Variants in ZNF804B observed in about 807,000 individuals in gnomAD.
ZNF804B encodes zinc finger protein 804B.
Under a neutral mutation model 101.4 loss-of-function variants are expected in ZNF804B, and 80 were observed. The observed-to-expected ratio is 0.79, with a 90% CI of 0.66 to 0.95. The LOEUF is 0.95. Among genes scored for constraint, ZNF804B ranks in the 40% least tolerant of loss-of-function variants. The probability of loss-of-function intolerance (pLI) is 0.00; values close to 1 mark genes in which losing one functional copy is unlikely to be tolerated. For missense variants in ZNF804B, 1,673 were observed against 1,561.9 expected (o/e 1.07, Z -1.20); for synonymous variants, 622 against 558.8 (o/e 1.11, Z -1.59).
chr7:89,022,402 A>G (rs1788680813), intron 1 of ZNF804B, among the ~76,000 whole-genome samples: 1 of 152,146 alleles, frequency 6.6e-6, no homozygotes, highest in South Asian at 2.1e-4. Context: ...AAACAATTGG[A>G]CCTTGATGAA....
chr7:88,933,469 C>T (rs1375990942), intron 1 of ZNF804B, among the ~76,000 whole-genome samples: 1 of 151,886 alleles, frequency 6.6e-6, no homozygotes, highest in African/African-American at 2.4e-5. Flanking sequence ...AAACAAAGGG[C>T]ATCCAAATTT....
intron 2 of ZNF804B, among the ~76,000 whole-genome samples, chr7:89,298,236 A>G (rs1790418762): frequency 1.9e-5 from 2 of 106,858 alleles, no homozygotes; most frequent in Non-Finnish European, 3.6e-5. Context: ...ATATATATAT[A>G]TATATATATA....
chr7:88,993,376 T>A (rs1303015950), intron 1 of ZNF804B, among the ~76,000 whole-genome samples: 2 of 151,996 alleles, frequency 1.3e-5, no homozygotes, highest in East Asian at 3.9e-4. Flanking sequence ...AGCAGAATAA[T>A]GTTTTGCAAA....
intron 1 of ZNF804B, among the ~76,000 whole-genome samples, chr7:89,084,519 G>C (rs887784692): frequency 6.6e-5 from 10 of 151,980 alleles, no homozygotes; most frequent in African/African-American, 2.4e-4. Context: ...AGTGTTTACA[G>C]TGGTAAGCAT....
At position 89,075,712 on chromosome 7, in the gene ZNF804B, G is replaced by A. The variant is rs936590142; in HGVS notation, c.109-142443G>A. Among the ~76,000 whole-genome samples, 63 of 152,128 alleles carry A rather than the reference G, an allele frequency of 4.1e-4. 1 individual carries two copies. The highest frequency in any genetic ancestry group is 4.4e-5 in the Non-Finnish European group (3 of 68,030). ...GAAGGCCACAATCCTCCAGACCCCA[G>A]AATGGTAGATAACACTGACAGTTTG... On this transcript the variant is annotated intron_variant, in intron 1 of 3. Transcript: ENST00000333190.
chr7:89,174,355 T>C (rs934041941), intron 1 of ZNF804B, among the ~76,000 whole-genome samples: 1 of 152,078 alleles, frequency 6.6e-6, no homozygotes, highest in African/African-American at 2.4e-5. Context: ...AAAATTTGTT[T>C]TTGTGTGCCT....
At chr7:88,825,061 A>T (rs1791033721) in intron 1 of ZNF804B, among the ~76,000 whole-genome samples, 1 of 152,146 alleles carries the variant, frequency 6.6e-6, no homozygotes, top group Non-Finnish European at 1.5e-5. Flanking sequence ...TGGTACATTT[A>T]TGTCCTCATC....
intron 2 of ZNF804B, among the ~76,000 whole-genome samples, chr7:89,316,182 A>T (rs1319200521): frequency 6.6e-6 from 1 of 152,114 alleles, no homozygotes; most frequent in Non-Finnish European, 1.5e-5. Context: ...TAGCAAGATT[A>T]ATATGTTGAA....
intron 1 of ZNF804B, among the ~76,000 whole-genome samples, chr7:88,984,361 G>A (rs1033791527): frequency 6.6e-6 from 1 of 152,042 alleles, no homozygotes; most frequent in Non-Finnish European, 1.5e-5. Flanking sequence ...GTGTAATCAA[G>A]TAATTGTGTT....
chr7:88,892,705 T>G (rs1288409277), intron 1 of ZNF804B, among the ~76,000 whole-genome samples: 1 of 152,138 alleles, frequency 6.6e-6, no homozygotes, highest in Non-Finnish European at 1.5e-5. Flanking sequence ...CTCATCTCCC[T>G]CCAAAATGTT....
At chr7:89,226,033 T>C (rs1584068268) in intron 2 of ZNF804B, among the ~76,000 whole-genome samples, 1 of 152,116 alleles carries the variant, frequency 6.6e-6, no homozygotes, top group Non-Finnish European at 1.5e-5. Flanking sequence ...GATTACAAAA[T>C]GTGAACACAT....
intron 1 of ZNF804B, among the ~76,000 whole-genome samples, chr7:89,011,373 C>T (rs1344349718): frequency 6.6e-6 from 1 of 152,184 alleles, no homozygotes. Flanking sequence ...CATGTCCTCA[C>T]ATTTCAAAAC....
chr7:89,165,313 T>A (rs150677824), intron 1 of ZNF804B, among the ~76,000 whole-genome samples: 1,756 of 152,164 alleles, frequency 0.012, 35 homozygotes, highest in African/African-American at 0.04. Flanking sequence ...TGGTGATATG[T>A]CTGGGGTTTA....
intron 2 of ZNF804B, among the ~76,000 whole-genome samples, chr7:89,241,366 T>C (rs753961917): frequency 2.0e-5 from 3 of 152,090 alleles, no homozygotes; most frequent in Non-Finnish European, 2.9e-5. Context: ...TTTTTCCTTC[T>C]CTGAACCACT....
intron 1 of ZNF804B, among the ~76,000 whole-genome samples, chr7:88,901,476 A>G (rs746825325): frequency 6.6e-6 from 1 of 151,894 alleles, no homozygotes; most frequent in Non-Finnish European, 1.5e-5. Context: ...TGCAAATTAG[A>G]AATAGTAAAA....
At chr7:89,254,002 A>G (rs945862892) in intron 2 of ZNF804B, among the ~76,000 whole-genome samples, 1 of 152,176 alleles carries the variant, frequency 6.6e-6, no homozygotes, top group African/African-American at 2.4e-5. Flanking sequence ...CTAGCATAGT[A>G]AATGATTTCT....
chr7:88,920,805 A>G (rs904913341), intron 1 of ZNF804B, among the ~76,000 whole-genome samples: 5 of 152,128 alleles, frequency 3.3e-5, no homozygotes, highest in African/African-American at 1.2e-4. Context: ...CAGCATTTCA[A>G]TGCAAATATG....
At chr7:88,872,629 C>T (rs1791848765) in intron 1 of ZNF804B, among the ~76,000 whole-genome samples, 1 of 151,866 alleles carries the variant, frequency 6.6e-6, no homozygotes, top group Non-Finnish European at 1.5e-5. Flanking sequence ...CTGCCCCCAC[C>T]CCACAACAGT....
chr7:89,296,234 T>C (rs1475965493), intron 2 of ZNF804B, among the ~76,000 whole-genome samples: 1 of 152,016 alleles, frequency 6.6e-6, no homozygotes, highest in Admixed American at 6.6e-5. Flanking sequence ...AATAAATCAG[T>C]TAATATTGCA....
Sources: allele counts gnomAD v4.1 joint callset (sites outside exome capture counted in the v4.1 genomes callset), GRCh38; gene constraint gnomAD v4.1.1; transcripts MANE v1.5; gene names NCBI Gene and HGNC (gene_info 2026-07-23, HGNC 2026-07-21).